The following UBE2T variants were observed in gnomAD, a reference collection of about 807,000 sequenced individuals.
The protein encoded by UBE2T is ubiquitin conjugating enzyme E2 T, also known as ubiquitin-conjugating enzyme E2 T.
Under a neutral mutation model 23.3 loss-of-function variants are expected in UBE2T, and 15 were observed. The ratio of observed to expected loss-of-function variants is 0.64; its 90% confidence interval spans 0.43 to 0.99. The LOEUF (loss-of-function observed/expected upper bound fraction) is 0.99. Ranked by LOEUF, UBE2T falls within the 50% of genes least tolerant of loss-of-function variation. UBE2T has a pLI of 0.00. For missense variants in UBE2T, 197 were observed against 234.9 expected (o/e 0.84, Z 1.05); for synonymous variants, 67 against 78.4 (o/e 0.85, Z 0.77).
intron 3 of UBE2T, among the ~76,000 whole-genome samples, chr1:202,334,233 AG>A (rs1247659668): frequency 2.6e-5 from 4 of 152,338 alleles, no homozygotes; most frequent in African/African-American, 7.2e-5. Flanking sequence ...TTGAATTAAA[AG>A]GGGCCTTAAC....
At position 202,335,723 on chromosome 1, in the gene UBE2T, A is replaced by C. The variant is rs777171113; in HGVS notation, c.32T>G (p.Leu11Arg). 48 of 1,613,992 alleles carry C rather than the reference A, an allele frequency of 3.0e-5. No individual in the cohort carries two copies. Among genetic ancestry groups the C allele is most frequent in the Non-Finnish European group, 3.6e-5 (43 of 1,180,040 alleles). ...GGGTGGCTCTGTGGCTAACATGTGCAGCTCTCTCTTCAGACGTGAAGCTCT... is the reference window on the plus strand; with the variant it reads ...GGGTGGCTCTGTGGCTAACATGTGCCGCTCTCTCTTCAGACGTGAAGCTCT... MQRASRLKRE[L>R]HMLATEPPPG... The change falls in exon 2 of 7, where the codon CTG (leucine) becomes CGG (arginine). Residue 11 changes from leucine (L) to arginine (R), a missense_variant. Physicochemically the swap from Leu to Arg is moderately radical, Grantham distance 102. Coordinates refer to ENST00000646651, the MANE Select transcript of UBE2T (RefSeq NM_014176.4). This position sits in a 1 kb window ranked among gnomAD's most constrained non-coding sequence, Gnocchi z 4.0.
intron 1 of UBE2T, among the ~76,000 whole-genome samples, chr1:202,339,790 A>G (rs947521499): frequency 2.0e-5 from 3 of 152,180 alleles, no homozygotes; most frequent in African/African-American, 7.2e-5. Flanking sequence ...CTGTAATTGC[A>G]GCACTTTGGG....
chr1:202,332,416 C>T (rs1654771611), intron 6 of UBE2T, among the ~76,000 whole-genome samples: 1 of 152,196 alleles, frequency 6.6e-6, no homozygotes, highest in Admixed American at 6.5e-5. Flanking sequence ...TCCACTATCC[C>T]TGCTACCTGC....
chr1:202,335,839 C>T lies in UBE2T; in HGVS notation c.-64-21G>A. ...ATGCACTGGAGGAGAAAAGAGGTGA[C>T]CATAAAATCATCAGCAATAATGACT... On this transcript the variant is annotated intron_variant, in intron 1 of 6. Coordinates refer to ENST00000646651, the MANE Select transcript of UBE2T (RefSeq NM_014176.4). This position sits in a 1 kb window ranked among gnomAD's most constrained non-coding sequence, Gnocchi z 4.0. 8.1e-7 allele frequency: 1 copy of T among 1,229,114 alleles called. No individual in the cohort carries two copies. Among genetic ancestry groups the T allele is most frequent in the Non-Finnish European group, 1.2e-6 (1 of 847,394 alleles). 76.1% of individuals were successfully genotyped at this position (1,229,114 alleles called of 1,614,324 possible). A position where few individuals can be genotyped will look rare whatever the true frequency, so the allele number is the denominator to read the frequency against.
chr1:202,333,671 C>T, intron 3 of UBE2T, 116 bp from the exon 4 acceptor site: 2 of 844,240 alleles, frequency 2.4e-6, no homozygotes, highest in Non-Finnish European at 3.6e-6. Context: ...GGGAGACTGC[C>T]TTTGGGAGGC....
intron 1 of UBE2T, among the ~76,000 whole-genome samples, chr1:202,339,928 G>C (rs950638661): frequency 2.6e-5 from 4 of 152,122 alleles, no homozygotes; most frequent in African/African-American, 7.2e-5. Flanking sequence ...CAGCTTGTGA[G>C]GCCTGGCACA....
Position 202,335,959 on chromosome 1 carries a change from T to C in UBE2T, c.-64-141A>G, listed in dbSNP as rs1424533090. ...CACAGTTTCACTCTGTCACCCAGACTGGAGGGCAGTGACACCATCTCAGCT... is the reference window on the plus strand; with the variant it reads ...CACAGTTTCACTCTGTCACCCAGACCGGAGGGCAGTGACACCATCTCAGCT... On this transcript the variant is annotated intron_variant, in intron 1 of 6. Coordinates refer to ENST00000646651, the MANE Select transcript of UBE2T (RefSeq NM_014176.4). This position sits in a 1 kb window ranked among gnomAD's most constrained non-coding sequence, Gnocchi z 4.0. The C allele has an allele frequency of 7.4e-6, 4 of 541,984 alleles. No individual in the cohort carries two copies. The highest frequency in any genetic ancestry group is 1.3e-5 in the Non-Finnish European group (4 of 301,764). The allele number at this position is 541,984 out of a possible 1,614,324, so 33.6% of individuals were successfully genotyped here.
chr1:202,331,723 T>G lies in UBE2T; in HGVS notation c.*112A>C, dbSNP rs1307616904. 6.0e-6 allele frequency: 8 copies of G among 1,339,244 alleles called. No individual in the cohort carries two copies. Among genetic ancestry groups the G allele is most frequent in the Admixed American group, 4.3e-5 (2 of 46,878 alleles). 83.0% of individuals were successfully genotyped at this position (1,339,244 alleles called of 1,614,324 possible). On this transcript the variant is annotated 3_prime_UTR_variant, in exon 7 of 7. Coordinates refer to ENST00000646651, the MANE Select transcript of UBE2T (RefSeq NM_014176.4). ...TCAAAATACATATGTACAAGATAAA[T>G]AAACTACACAAAAATTATGTCATCA...
At position 202,335,198 on chromosome 1, in the gene UBE2T, C is replaced by T. The variant is rs1166302390; in HGVS notation, c.110-140G>A. 4 of 657,350 alleles carry T rather than the reference C, an allele frequency of 6.1e-6. No homozygotes were observed. Among genetic ancestry groups the T allele is most frequent in the African/African-American group, 1.8e-5 (1 of 54,880 alleles). The allele number at this position is 657,350 out of a possible 1,614,324, so 40.7% of individuals were successfully genotyped here. On this transcript the variant is annotated intron_variant, in intron 2 of 6. Transcript: ENST00000646651. This position sits in a 1 kb window ranked among gnomAD's most constrained non-coding sequence, Gnocchi z 4.0. The stretch of plus-strand genomic sequence containing the variant: ...TTCTCTGCCAGGACTTTAACAAGTC[C>T]TCATGCAACACACCACAATGCTAAT...
chr1:202,341,248 ATGAACGAAACG>A (rs1379593294), intron 1 of UBE2T, among the ~76,000 whole-genome samples: 1 of 152,166 alleles, frequency 6.6e-6, no homozygotes, highest in East Asian at 1.9e-4. Context: ...TGGATAATTA[ATGAACGAAACG>A]TGGGTTTGGA....
rs57598991 is a variant in UBE2T, at chr1:202,341,577, CAAAAAAAA to C, written c.-65+310_-65+317del. ...TGGGCGACAGAGCGAGACTCCGTCT[CAAAAAAAA>C]AAAAAAAAAAAAAAAAAAAAAGAAC... On this transcript the variant is annotated intron_variant, in intron 1 of 6. Coordinates refer to ENST00000646651, the MANE Select transcript of UBE2T (RefSeq NM_014176.4). Among the ~76,000 whole-genome samples, 31 of 20,310 alleles carry C rather than the reference CAAAAAAAA, an allele frequency of 1.5e-3. No homozygotes were observed. The East Asian group carries it at 0.04, about 26-fold the overall frequency. The allele number at this position is 20,310 out of a possible 152,430, so 13.3% of individuals were successfully genotyped here.
Position 202,335,189 on chromosome 1 carries a change from TAACAAGTCCTCATGCAACAC to T in UBE2T, c.110-151_110-132del. The T allele has an allele frequency of 1.4e-6, 1 of 703,212 alleles. No individual in the cohort carries two copies. The highest frequency in any genetic ancestry group is 2.4e-6 in the Non-Finnish European group (1 of 424,164). 43.6% of individuals were successfully genotyped at this position (703,212 alleles called of 1,614,324 possible). ...GGACAATAATTCTCTGCCAGGACTT[TAACAAGTCCTCATGCAACAC>T]ACCACAATGCTAATGTACTCAAAAA... On this transcript the variant is annotated intron_variant, in intron 2 of 6. Coordinates refer to ENST00000646651, the MANE Select transcript of UBE2T (RefSeq NM_014176.4). This position sits in a 1 kb window ranked among gnomAD's most constrained non-coding sequence, Gnocchi z 4.0.
chr1:202,334,169 C>T (rs1295821578), intron 3 of UBE2T, among the ~76,000 whole-genome samples: 2 of 152,112 alleles, frequency 1.3e-5, no homozygotes, highest in Non-Finnish European at 2.9e-5. Flanking sequence ...TTCCCTTCCC[C>T]GTTCTGTACA....
At chr1:202,339,258 G>A (rs1271642837) in intron 1 of UBE2T, among the ~76,000 whole-genome samples, 5 of 151,706 alleles carry the variant, frequency 3.3e-5, no homozygotes, top group Admixed American at 6.6e-5. Context: ...ATTTTGGCAA[G>A]TTAAATTTTT....
chr1:202,333,926 GTT>G (rs879358529), intron 3 of UBE2T, among the ~76,000 whole-genome samples: 2 of 145,304 alleles, frequency 1.4e-5, no homozygotes, highest in African/African-American at 2.5e-5. Context: ...GTTCTCCCCA[GTT>G]TTTTTTTTTT....
At position 202,333,516 on chromosome 1, in the gene UBE2T, T is replaced by C. The variant is rs149930738; in HGVS notation, c.219A>G (p.Pro73=). ...FEPPQIRFLT[P]IYHPNIDSAG... is the part of the protein sequence containing the mutation. The stretch of plus-strand genomic sequence containing the variant: ...CAGAATCAATGTTTGGATGATAAAT[T>C]GGAGTGAGAAATCGGATCTGAGGAG... The change falls in exon 4 of 7, where the codon CCA becomes CCG. Residue 73 remains proline, a synonymous_variant. Coordinates refer to ENST00000646651, the MANE Select transcript of UBE2T (RefSeq NM_014176.4). 2.5e-6 allele frequency: 4 copies of C among 1,614,014 alleles called. No individual in the cohort carries two copies. The African/African-American group carries it at 5.3e-5, about 22-fold the overall frequency.
chr1:202,333,328 C>A lies in UBE2T; in HGVS notation c.293G>T (p.Trp98Leu). Residue 98 changes from tryptophan (W) to leucine (L), a missense_variant, in exon 5 of 7, where the codon TGG becomes TTG. Physicochemically the swap from Trp to Leu is moderately conservative, Grantham distance 61 (BLOSUM62 -2). Coordinates refer to ENST00000646651, the MANE Select transcript of UBE2T (RefSeq NM_014176.4). ...AGTTGCGATGTTGAGGGATGGTCTC[C>A]AAGCACCCTATATACAAACAGATGA... is the stretch of plus-strand genomic sequence containing the variant. ...DVLKLPPKGA[W>L]RPSLNIATVL... 1 of 1,614,148 alleles carries A rather than the reference C, an allele frequency of 6.2e-7. No individual in the cohort carries two copies.
intron 1 of UBE2T, among the ~76,000 whole-genome samples, chr1:202,339,505 T>TC (rs1382417986): frequency 1.3e-5 from 2 of 151,836 alleles, no homozygotes; most frequent in African/African-American, 4.8e-5. Flanking sequence ...AAAATACTTT[T>TC]TTCTTAAAAA....
At chr1:202,333,632 AC>A in intron 3 of UBE2T, 77 bp from the exon 4 acceptor site, 1 of 1,351,286 alleles carries the variant, frequency 7.4e-7, no homozygotes, top group Non-Finnish European at 1.0e-6. Flanking sequence ...TTTCTTGGTC[AC>A]AATAATTTTG....
Sources: gnomAD v4.1 joint callset for allele counts (sites outside exome capture counted in the v4.1 genomes callset) on GRCh38, gnomAD v4.1.1 for gene constraint, Gnocchi (gnomAD v3.1) non-coding constraint, MANE v1.5 for transcripts, NCBI Gene and HGNC (gene_info 2026-07-23, HGNC 2026-07-21) for gene names.